The following ENOX1 variants were observed in gnomAD, a reference collection of about 807,000 sequenced individuals.
ENOX1 encodes the protein ecto-NOX disulfide-thiol exchanger 1.
In ENOX1, 42 loss-of-function variants were observed where a neutral mutation model predicts 82.5. The ratio of observed to expected loss-of-function variants is 0.51; its 90% CI spans 0.40 to 0.66. ENOX1 has a LOEUF of 0.66. Ranked by LOEUF, ENOX1 falls within the 30% of genes least tolerant of loss-of-function variation. The pLI, the probability that ENOX1 is intolerant of heterozygous loss-of-function variation, is 0.00. For synonymous variants in ENOX1, 271 were observed against 282.2 expected (o/e 0.96, Z 0.40); for missense variants, 608 against 811.6 (o/e 0.75, Z 3.05).
At chr13:43,637,690 T>C (rs2083465199) in intron 2 of ENOX1, among the ~76,000 whole-genome samples, 1 of 152,154 alleles carries the variant, frequency 6.6e-6, no homozygotes, top group African/African-American at 2.4e-5. Context: ...TGATTATCTC[T>C]GCTTTATCCA....
Position 43,589,137 on chromosome 13 carries a change from C to T in ENOX1, c.-219+78342G>A, listed in dbSNP as rs552192553. On this transcript the variant is annotated intron_variant, in intron 2 of 16. Coordinates refer to ENST00000690772, the MANE Select transcript of ENOX1 (RefSeq NM_001347969.2). ...AAACCTACAAACTAAAACAAGAATG[C>T]TAAGCAAACCCTGAAGTTGGGCCTT... Among the ~76,000 whole-genome samples, 7 of 143,888 alleles carry T rather than the reference C, an allele frequency of 4.9e-5. No individual in the cohort carries two copies. The East Asian group carries it at 1.1e-3, about 22-fold the overall frequency. The allele number at this position is 143,888 out of a possible 152,430, so 94.4% of individuals were successfully genotyped here.
intron 2 of ENOX1, among the ~76,000 whole-genome samples, chr13:43,558,871 G>A (rs764415527): frequency 1.4e-4 from 21 of 152,162 alleles, no homozygotes; most frequent in Non-Finnish European, 2.8e-4. Context: ...TTTCTGATAA[G>A]AGTATGTATT....
At chr13:43,719,257 T>G (rs978399923) in intron 1 of ENOX1, among the ~76,000 whole-genome samples, 7 of 151,652 alleles carry the variant, frequency 4.6e-5, no homozygotes, top group African/African-American at 1.5e-4. Flanking sequence ...ACTGTGTTTT[T>G]ATACCTACCA....
chr13:43,553,537 T>A (rs1287847880), intron 2 of ENOX1, among the ~76,000 whole-genome samples: 1 of 152,176 alleles, frequency 6.6e-6, no homozygotes, highest in Non-Finnish European at 1.5e-5. Context: ...TACGATTCAC[T>A]TTTGCTTTGG....
intron 5 of ENOX1, among the ~76,000 whole-genome samples, chr13:43,376,136 A>G (rs1262290609): frequency 6.6e-6 from 1 of 152,218 alleles, no homozygotes; most frequent in East Asian, 1.9e-4. Flanking sequence ...TACTATAACC[A>G]AAACAGATCT....
intron 1 of ENOX1, among the ~76,000 whole-genome samples, chr13:43,770,184 C>CT (rs911901730): frequency 6.6e-6 from 1 of 152,216 alleles, no homozygotes; most frequent in Admixed American, 6.5e-5. Context: ...TAACAAAACT[C>CT]TTAGTTTCCA....
chr13:43,244,909 G>A (rs888808352), intron 14 of ENOX1, among the ~76,000 whole-genome samples: 8 of 152,106 alleles, frequency 5.3e-5, no homozygotes, highest in African/African-American at 1.7e-4. Flanking sequence ...TCATGAAATC[G>A]GGGGCCCTAT....
chr13:43,525,680 G>A (rs1234693415), intron 2 of ENOX1, among the ~76,000 whole-genome samples: 1 of 152,076 alleles, frequency 6.6e-6, no homozygotes, highest in Non-Finnish European at 1.5e-5. Flanking sequence ...CCTAACAGGT[G>A]TGAAATGGTA....
intron 2 of ENOX1, among the ~76,000 whole-genome samples, chr13:43,569,327 TAGAC>T (rs1409357093): frequency 1.3e-5 from 2 of 152,132 alleles, no homozygotes; most frequent in Admixed American, 6.6e-5. Context: ...ATAGATAAAT[TAGAC>T]AGAGAGGTGA....
chr13:43,235,586 G>C (rs1054602413), intron 15 of ENOX1, among the ~76,000 whole-genome samples: 1 of 152,078 alleles, frequency 6.6e-6, no homozygotes, highest in Non-Finnish European at 1.5e-5. Flanking sequence ...TACAAAATTA[G>C]CTGGGCGTGG....
chr13:43,764,643 A>G (rs1445430823), intron 1 of ENOX1, among the ~76,000 whole-genome samples: 2 of 152,036 alleles, frequency 1.3e-5, no homozygotes, highest in Non-Finnish European at 2.9e-5. Flanking sequence ...AAAAAAACGG[A>G]AAGGTTTGTT....
At chr13:43,328,453 C>T (rs2048238182) in intron 9 of ENOX1, among the ~76,000 whole-genome samples, 1 of 152,128 alleles carries the variant, frequency 6.6e-6, no homozygotes, top group African/African-American at 2.4e-5. Context: ...TGTCCTGACA[C>T]CAGTCCTAAG....
At chr13:43,601,192 G>C (rs570314610) in intron 2 of ENOX1, among the ~76,000 whole-genome samples, 6 of 152,024 alleles carry the variant, frequency 3.9e-5, no homozygotes, top group South Asian at 4.1e-4. Context: ...ATTAAATAAG[G>C]CACCAGGGTT....
intron 14 of ENOX1, among the ~76,000 whole-genome samples, chr13:43,245,228 T>C (rs1263772019): frequency 2.6e-5 from 4 of 152,220 alleles, no homozygotes; most frequent in African/African-American, 7.2e-5. Context: ...TGGCCTGCTG[T>C]GTTTCTTTGT....
At chr13:43,765,022 T>C (rs894213742) in intron 1 of ENOX1, among the ~76,000 whole-genome samples, 1 of 152,206 alleles carries the variant, frequency 6.6e-6, no homozygotes, top group Non-Finnish European at 1.5e-5. Context: ...GTCTGGGCCT[T>C]AGCCCCCACT....
intron 1 of ENOX1, among the ~76,000 whole-genome samples, chr13:43,768,793 T>C (rs1421425363): frequency 6.6e-6 from 1 of 152,238 alleles, no homozygotes; most frequent in Non-Finnish European, 1.5e-5. Flanking sequence ...CAGTCACTTT[T>C]CACAAGTAAG....
intron 2 of ENOX1, among the ~76,000 whole-genome samples, chr13:43,501,432 A>G (rs2076977013): frequency 6.6e-6 from 1 of 151,810 alleles, no homozygotes; most frequent in African/African-American, 2.4e-5. Flanking sequence ...TGTACAGAAC[A>G]TTCTACCCAG....
At chr13:43,513,901 T>C (rs1054192745) in intron 2 of ENOX1, among the ~76,000 whole-genome samples, 1 of 152,176 alleles carries the variant, frequency 6.6e-6, no homozygotes, top group Non-Finnish European at 1.5e-5. Context: ...TGATTCTGCA[T>C]TAATTTATTG....
chr13:43,365,495 G>A (rs2050790670), intron 5 of ENOX1, among the ~76,000 whole-genome samples: 1 of 152,238 alleles, frequency 6.6e-6, no homozygotes, highest in African/African-American at 2.4e-5. Context: ...CACAGGTCCA[G>A]GTGGGGCAGC....
Sources: gnomAD v4.1 joint callset for allele counts (sites outside exome capture counted in the v4.1 genomes callset) on GRCh38, gnomAD v4.1.1 for gene constraint, MANE v1.5 for transcripts, NCBI Gene and HGNC (gene_info 2026-07-23, HGNC 2026-07-21) for gene names.